Variants in EXPH5 observed in about 807,000 individuals in gnomAD.
EXPH5 encodes exophilin 5.
A neutral mutation model predicts 41.1 loss-of-function variants in EXPH5; 42 were observed. The observed-to-expected ratio is 1.02, with a 90% CI of 0.80 to 1.32. The LOEUF is 1.32. Among genes scored for constraint, EXPH5 ranks in the 40% most tolerant of loss-of-function variants. The pLI is 0.00. For missense variants in EXPH5, 2,298 were observed against 2,314.5 expected (o/e 0.99, Z 0.15); for synonymous variants, 798 against 833.5 (o/e 0.96, Z 0.73).
upstream of EXPH5, chr11:108,593,880 C>T: frequency 1.3e-6 from 1 of 774,266 alleles, no homozygotes; most frequent in African/African-American, 1.8e-5. Flanking sequence ...CCTCCCTCGT[C>T]CCCTCCGGTC....
At chr11:108,531,991 C>G (rs542125174) in intron 3 of EXPH5, among the ~76,000 whole-genome samples, 2 of 152,024 alleles carry the variant, frequency 1.3e-5, no homozygotes, top group South Asian at 4.2e-4. Flanking sequence ...AGTTTTTGTC[C>G]CAATCCAATC....
intron 1 of EXPH5, 41 bp downstream of exon 1, chr11:108,593,377 G>T (rs981240942): frequency 1.3e-6 from 2 of 1,568,796 alleles, no homozygotes; most frequent in Non-Finnish European, 1.8e-6. Flanking sequence ...GGCCCCTGCG[G>T]GACCCAGGCC....
At chr11:108,592,392 A>C (rs1194940111) in intron 1 of EXPH5, among the ~76,000 whole-genome samples, 1 of 152,200 alleles carries the variant, frequency 6.6e-6, no homozygotes, top group African/African-American at 2.4e-5. Context: ...GGTGGGGGAC[A>C]GGCAATTCTA....
At chr11:108,539,209 T>G in intron 2 of EXPH5, 23 bp from the exon 3 acceptor site, 2 of 1,524,372 alleles carry the variant, frequency 1.3e-6, no homozygotes, top group South Asian at 2.4e-5. Flanking sequence ...ATTGTAAAAA[T>G]TTTGCATCAA....
At chr11:108,577,805 G>A (rs546122456) in intron 1 of EXPH5, among the ~76,000 whole-genome samples, 16 of 152,184 alleles carry the variant, frequency 1.1e-4, no homozygotes, top group African/African-American at 3.4e-4. Context: ...GTGATGTTTA[G>A]CATTTTTTCA....
intron 1 of EXPH5, among the ~76,000 whole-genome samples, chr11:108,560,097 C>T (rs1470006455): frequency 6.6e-6 from 1 of 152,158 alleles, no homozygotes; most frequent in Non-Finnish European, 1.5e-5. Flanking sequence ...GCTATTCAAT[C>T]TTTGTGTTAG....
chr11:108,510,243 G>C lies in EXPH5; in HGVS notation c.5264C>G (p.Pro1755Arg). 2 of 1,613,756 alleles carry C rather than the reference G, an allele frequency of 1.2e-6. No individual in the cohort carries two copies. The highest frequency in any genetic ancestry group is 1.7e-6 in the Non-Finnish European group (2 of 1,179,928). Residue 1755 changes from proline (P) to arginine (R), a missense_variant, in exon 6 of 6, where the codon CCT becomes CGT. Coordinates refer to ENST00000265843, the MANE Select transcript of EXPH5 (RefSeq NM_015065.3). Reference sequence around the variant, plus strand: ...TTTCTGTGCAGGCTCCAGTGGAAAAGGAGGGCTCAGCCTCCTCTGATTGTC... The same window carrying C: ...TTTCTGTGCAGGCTCCAGTGGAAAACGAGGGCTCAGCCTCCTCTGATTGTC... ...FSDNQRRLSP[P>R]FPLEPAQKSR... is the part of the protein sequence containing the mutation.
At chr11:108,591,075 A>G (rs1238289461) in intron 1 of EXPH5, among the ~76,000 whole-genome samples, 1 of 152,298 alleles carries the variant, frequency 6.6e-6, no homozygotes, top group East Asian at 1.9e-4. Context: ...CCCCATTTGG[A>G]CCCTTATTGT....
chr11:108,585,565 A>T (rs1396640196), intron 1 of EXPH5, among the ~76,000 whole-genome samples: 1 of 152,242 alleles, frequency 6.6e-6, no homozygotes, highest in Non-Finnish European at 1.5e-5. Flanking sequence ...TAGAACTATA[A>T]GCAATAGATT....
intron 1 of EXPH5, among the ~76,000 whole-genome samples, chr11:108,593,098 C>T (rs2094131758): frequency 6.6e-6 from 1 of 152,232 alleles, no homozygotes; most frequent in Admixed American, 6.5e-5. Flanking sequence ...CCACGCCCCG[C>T]GATGGCCCAG....
At chr11:108,561,246 T>C (rs2155441) in intron 1 of EXPH5, among the ~76,000 whole-genome samples, 101,166 of 152,106 alleles carry the variant, frequency 0.67, 34,799 homozygotes, top group Non-Finnish European at 0.74. Flanking sequence ...GCCTATTATT[T>C]ATTAATAATG....
chr11:108,605,554 A>C, the EXPH5 span, among the ~76,000 whole-genome samples: 1 of 152,204 alleles, frequency 6.6e-6, no homozygotes, highest in East Asian at 1.9e-4. Context: ...TACATTATAC[A>C]GGACAGCCCC....
rs79764069 is a variant in EXPH5, at chr11:108,574,859, A to G, written c.119+18559T>C. Among the ~76,000 whole-genome samples, 10 of 152,286 alleles carry G rather than the reference A, an allele frequency of 6.6e-5. No homozygotes were observed. The East Asian group carries it at 1.9e-3, about 29-fold the overall frequency. On this transcript the variant is annotated intron_variant, in intron 1 of 5. Transcript: ENST00000265843. ...CCCAAAAGAAGCAGTTGTCACCACT[A>G]TTTCCTTTTTCTTTCTGCCTCGAAT...
intron 2 of EXPH5, 24 bp from the exon 3 acceptor site, chr11:108,539,210 T>G (rs776985051): frequency 1.3e-5 from 20 of 1,496,244 alleles, no homozygotes; most frequent in Non-Finnish European, 1.7e-5. Context: ...TTGTAAAAAT[T>G]TTGCATCAAT....
intron 1 of EXPH5, among the ~76,000 whole-genome samples, chr11:108,543,314 G>A (rs1420595616): frequency 2.0e-5 from 3 of 151,928 alleles, no homozygotes; most frequent in Admixed American, 6.6e-5. Flanking sequence ...TTTTTTCAAA[G>A]TAGATCATTT....
chr11:108,593,539 T>C lies in EXPH5; in HGVS notation c.-3A>G, dbSNP rs776824931. 1 of 1,614,254 alleles carries C rather than the reference T, an allele frequency of 6.2e-7. No homozygotes were observed. The highest frequency in any genetic ancestry group is 8.5e-7 in the Non-Finnish European group (1 of 1,180,046). Reference sequence around the variant, plus strand: ...AACGCCGGAGGAACTTTCGTCATTTTCTTTACTGTGTGTGAGTTACACTTA... The same window carrying C: ...AACGCCGGAGGAACTTTCGTCATTTCCTTTACTGTGTGTGAGTTACACTTA... On this transcript the variant is annotated 5_prime_UTR_variant, in exon 1 of 6. Transcript: ENST00000265843.
At chr11:108,553,640 G>A (rs962257235) in intron 1 of EXPH5, among the ~76,000 whole-genome samples, 4 of 152,192 alleles carry the variant, frequency 2.6e-5, no homozygotes, top group African/African-American at 9.7e-5. Flanking sequence ...CTTGAGGACA[G>A]GTGCTGTGTC....
At position 108,575,251 on chromosome 11, in the gene EXPH5, C is replaced by T. The variant is rs554298276; in HGVS notation, c.119+18167G>A. Among the ~76,000 whole-genome samples the T allele has an allele frequency of 1.4e-4, 21 of 152,294 alleles. 1 individual carries two copies. In the South Asian group the frequency reaches 4.4e-3, roughly 32 times the overall value. On this transcript the variant is annotated intron_variant, in intron 1 of 5. Transcript: ENST00000265843. Reference sequence around the variant, plus strand: ...AAAGAGTTTTAAAAAGTAATACCACCATCCAGGGATAGAAAGGATTCGTTA... The same window carrying T: ...AAAGAGTTTTAAAAAGTAATACCACTATCCAGGGATAGAAAGGATTCGTTA...
intron 1 of EXPH5, among the ~76,000 whole-genome samples, chr11:108,574,201 G>A (rs1043611055): frequency 1.3e-5 from 2 of 151,668 alleles, no homozygotes; most frequent in African/African-American, 2.4e-5. Flanking sequence ...GAGCCACCGC[G>A]CCCAACCTAC....
Sources: allele counts gnomAD v4.1 joint callset (sites outside exome capture counted in the v4.1 genomes callset), GRCh38; gene constraint gnomAD v4.1.1; transcripts MANE v1.5; gene names NCBI Gene and HGNC (gene_info 2026-07-23, HGNC 2026-07-21).